Variants in SUPT16H observed in about 807,000 individuals in gnomAD.
SUPT16H encodes SPT16 homolog, facilitates chromatin remodeling subunit, also known as FACT complex subunit SPT16.
SUPT16H carries 24 observed loss-of-function variants against 136.2 expected under a neutral mutation model. That is an observed-to-expected ratio of 0.18 (90% CI 0.13 to 0.25). The LOEUF is 0.25. SUPT16H is among the 10% of genes least tolerant of loss of function. The pLI is 1.00. For missense variants in SUPT16H, 623 were observed against 1,270.2 expected (o/e 0.49, Z 7.74); for synonymous variants, 415 against 428.2 (o/e 0.97, Z 0.38).
At chr14:21,360,791 T>C in intron 17 of SUPT16H, 55 bp downstream of exon 17, 1 of 1,572,426 alleles carries the variant, frequency 6.4e-7, no homozygotes, top group Non-Finnish European at 8.6e-7. Context: ...GATCTGTCAT[T>C]CCTAACAAAT....
chr14:21,354,697 T>A, intron 22 of SUPT16H, 157 bp from the exon 23 acceptor site: 2 of 773,604 alleles, frequency 2.6e-6, no homozygotes, highest in Non-Finnish European at 1.9e-6. Context: ...GTTCAAGTGA[T>A]TCTCCTGCCT....
chr14:21,366,036 A>T (rs1886659300), intron 8 of SUPT16H, among the ~76,000 whole-genome samples: 1 of 152,242 alleles, frequency 6.6e-6, no homozygotes, highest in Non-Finnish European at 1.5e-5. Flanking sequence ...CAGAAGGTCT[A>T]GACTGCAGTG....
chr14:21,359,541 G>C lies in SUPT16H; in HGVS notation c.2244C>G (p.Thr748=), dbSNP rs768278459. Residue 748 remains threonine (T), a synonymous_variant, in exon 19 of 26, where the codon ACC becomes ACG. Coordinates refer to ENST00000216297, the MANE Select transcript of SUPT16H (RefSeq NM_007192.4). ...TATGCTGATGTTTCCCCAAGTCCGT[G>C]GTTATCTCTCCCACTTCTGTGTAGA... ...VQFYTEVGEI[T]TDLGKHQHMH... 1.2e-6 allele frequency: 2 copies of C among 1,614,160 alleles called. No individual in the cohort carries two copies. The highest frequency in any genetic ancestry group is 1.7e-6 in the Non-Finnish European group (2 of 1,180,028).
intron 7 of SUPT16H, among the ~76,000 whole-genome samples, chr14:21,367,382 T>G (rs529935151): frequency 8.7e-4 from 133 of 152,360 alleles, no homozygotes; most frequent in African/African-American, 3.0e-3. Flanking sequence ...GTTCCATTTA[T>G]CACTAAATGG....
chr14:21,355,480 G>A (rs927887640), intron 22 of SUPT16H, among the ~76,000 whole-genome samples: 4 of 138,422 alleles, frequency 2.9e-5, no homozygotes, highest in Non-Finnish European at 3.0e-5. Flanking sequence ...GCAACAGAGT[G>A]AGACTCTGTC....
At chr14:21,359,016 A>C (rs1459261579) in intron 19 of SUPT16H, among the ~76,000 whole-genome samples, 8 of 152,144 alleles carry the variant, frequency 5.3e-5, no homozygotes, top group Non-Finnish European at 1.2e-4. Flanking sequence ...TGTGTTAGCC[A>C]GGATGGTCTT....
At position 21,372,087 on chromosome 14, in the gene SUPT16H, A is replaced by G. The variant is rs115832885; in HGVS notation, c.160-43T>C. 2.5e-3 allele frequency: 3,896 copies of G among 1,569,264 alleles called. 99 individuals carry two copies. In the African/African-American group the frequency reaches 0.049, roughly 20 times the overall value. On this transcript the variant is annotated intron_variant, in intron 2 of 25. Coordinates refer to ENST00000216297, the MANE Select transcript of SUPT16H (RefSeq NM_007192.4). ...AGTGACAACGGTATTTACAGATACA[A>G]AAATTAATGGACTCATATAGATATA... is the stretch of plus-strand genomic sequence containing the variant.
intron 25 of SUPT16H, among the ~76,000 whole-genome samples, chr14:21,353,197 T>A (rs943234636): frequency 4.6e-5 from 7 of 152,200 alleles, no homozygotes; most frequent in African/African-American, 1.7e-4. Flanking sequence ...GTAGGCTAAT[T>A]CTTGAGTATT....
rs1206647178 is a variant in SUPT16H at position 21,372,663 on chromosome 14, C to T, written c.160-619G>A. 6 of 454,628 alleles carry T rather than the reference C, an allele frequency of 1.3e-5. No homozygotes were observed. The East Asian group carries it at 3.5e-4, about 26-fold the overall frequency. 28.2% of individuals were successfully genotyped at this position (454,628 alleles called of 1,614,324 possible). A position where few individuals can be genotyped will look rare whatever the true frequency, so the allele number is the denominator to read the frequency against. On this transcript the variant is annotated intron_variant, in intron 2 of 25. Transcript: ENST00000216297. ...CCATTCTGTACCACGTGCAAGAGGG[C>T]TATGTTCTTTGGGTGGCAGAACAGA...
chr14:21,378,227 T>G (rs1886946710), intron 1 of SUPT16H, among the ~76,000 whole-genome samples: 1 of 152,024 alleles, frequency 6.6e-6, no homozygotes, highest in Non-Finnish European at 1.5e-5. Flanking sequence ...TCTATGAGTG[T>G]GAGAAATTTA....
chr14:21,357,482 GT>G (rs796605168), intron 21 of SUPT16H, 116 bp from the exon 22 acceptor site: 2,365 of 1,036,198 alleles, frequency 2.3e-3, no homozygotes, highest in South Asian at 4.4e-3. Context: ...CTGTTTTTTG[GT>G]TTTTTTTTTG....
intron 5 of SUPT16H, 79 bp from the exon 6 acceptor site, chr14:21,369,434 C>T (rs568072477): frequency 3.9e-6 from 6 of 1,547,352 alleles, no homozygotes; most frequent in Non-Finnish European, 4.4e-6. Context: ...GATTTGAAGA[C>T]AAAATGTATC....
Position 21,383,984 on chromosome 14 carries a change from C to T in SUPT16H, c.-57G>A, listed in dbSNP as rs1016118423. 6.2e-7 allele frequency: 1 copy of T among 1,603,226 alleles called. No individual in the cohort carries two copies. ...AGAATCACGCGAGGTCCCGGCTCAGCCACCCGCTCTCGGCCCAGGAATCCC... is the reference window on the plus strand; with the variant it reads ...AGAATCACGCGAGGTCCCGGCTCAGTCACCCGCTCTCGGCCCAGGAATCCC... On this transcript the variant is annotated 5_prime_UTR_variant, in exon 1 of 26. Coordinates refer to ENST00000216297, the MANE Select transcript of SUPT16H (RefSeq NM_007192.4).
In SUPT16H at chr14:21,367,258, G is replaced by A. The variant is rs187342090; in HGVS notation, c.956-729C>T. Among the ~76,000 whole-genome samples, 448 of 152,276 alleles carry A rather than the reference G, an allele frequency of 2.9e-3. 1 individual carries two copies. The highest frequency in any genetic ancestry group is 0.018 in the South Asian group (85 of 4,822). ...GATCCCATTCTTAATCATACTATTT[G>A]AGAATCACTGATCTAGGAGGACAGT... On this transcript the variant is annotated intron_variant, in intron 7 of 25. Transcript: ENST00000216297.
chr14:21,357,848 A>G, intron 21 of SUPT16H, 79 bp downstream of exon 21: 1 of 1,320,004 alleles, frequency 7.6e-7, no homozygotes, highest in East Asian at 2.4e-5. Context: ...GAAAATGACA[A>G]TAATTAGGAT....
chr14:21,372,141 G>T, intron 2 of SUPT16H, 97 bp from the exon 3 acceptor site: 1 of 1,345,190 alleles, frequency 7.4e-7, no homozygotes, highest in Non-Finnish European at 9.9e-7. Context: ...AAAATAACAT[G>T]TCTGAAATTA....
chr14:21,369,608 G>A, intron 5 of SUPT16H, 142 bp downstream of exon 5: 3 of 1,157,818 alleles, frequency 2.6e-6, no homozygotes, highest in Non-Finnish European at 3.7e-6. Flanking sequence ...CCATTATTTT[G>A]AAAGGGAGAT....
At chr14:21,353,001 T>C (rs765051759) in intron 25 of SUPT16H, among the ~76,000 whole-genome samples, 183 bp from the exon 26 acceptor site, 41 of 152,208 alleles carry the variant, frequency 2.7e-4, no homozygotes, top group Non-Finnish European at 4.7e-4. Flanking sequence ...TTAAATAAGG[T>C]AACCTATGAA....
intron 18 of SUPT16H, 36 bp from the exon 19 acceptor site, chr14:21,359,645 A>T: frequency 6.2e-7 from 1 of 1,606,008 alleles, no homozygotes; most frequent in African/African-American, 1.3e-5. Flanking sequence ...CAGAAGTCAG[A>T]AACACAAAGG....
Sources: gnomAD v4.1 joint callset for allele counts (sites outside exome capture counted in the v4.1 genomes callset) on GRCh38, gnomAD v4.1.1 for gene constraint, MANE v1.5 for transcripts, NCBI Gene and HGNC (gene_info 2026-07-23, HGNC 2026-07-21) for gene names.